The following TRIM37 variants were observed in gnomAD, a reference collection of about 807,000 sequenced individuals.
TRIM37 encodes tripartite motif containing 37, also known as E3 ubiquitin-protein ligase TRIM37.
In TRIM37, 80 loss-of-function variants were observed where a neutral mutation model predicts 129.8. The ratio of observed to expected loss-of-function variants is 0.62; its 90% confidence interval spans 0.51 to 0.74. TRIM37 has a LOEUF of 0.74. TRIM37 is among the 30% of genes least tolerant of loss of function. TRIM37 has a pLI of 0.00. For synonymous variants in TRIM37, 389 were observed against 387.1 expected, an observed-to-expected ratio of 1.00 and a Z score of -0.06; for missense variants, 1,054 against 1,176.5, an observed-to-expected ratio of 0.90 and a Z score of 1.52.
chr17:58,994,968 C>T (rs2032837418), downstream of TRIM37, among the ~76,000 whole-genome samples: 1 of 152,058 alleles, frequency 6.6e-6, no homozygotes. Flanking sequence ...AGGTTGGTCT[C>T]GAACTCCCGA....
intron 7 of TRIM37, among the ~76,000 whole-genome samples, chr17:59,076,172 T>C (rs1361568796): frequency 6.6e-6 from 1 of 151,896 alleles, no homozygotes; most frequent in Admixed American, 6.6e-5. Flanking sequence ...CCTGTGAATA[T>C]ACAAGGACCT....
chr17:59,100,269 C>T (rs2045334681), intron 2 of TRIM37, among the ~76,000 whole-genome samples: 1 of 152,124 alleles, frequency 6.6e-6, no homozygotes, highest in Non-Finnish European at 1.5e-5. Flanking sequence ...ATTATTTACC[C>T]AAGAGAAAAG....
At chr17:59,049,709 G>C (rs1227811183) in intron 14 of TRIM37, among the ~76,000 whole-genome samples, 1 of 152,056 alleles carries the variant, frequency 6.6e-6, no homozygotes, top group Admixed American at 6.6e-5. Flanking sequence ...TGTTGCTCAA[G>C]CTGGTTTTGA....
chr17:59,091,200 GA>G, intron 3 of TRIM37, 99 bp downstream of exon 3: 1 of 734,012 alleles, frequency 1.4e-6, no homozygotes. Flanking sequence ...ACGAAGAAGA[GA>G]AATGGGCAGA....
chr17:59,015,610 C>T lies in TRIM37; in HGVS notation c.2576G>A (p.Gly859Glu), dbSNP rs916450962. The change falls in exon 21 of 24, where the codon GGG (glycine) becomes GAG (glutamate). Residue 859 changes from glycine to glutamate, a missense_variant and splice_region_variant. Physicochemically the swap from Gly to Glu is moderately conservative, Grantham distance 98. This residue lies in a region of TRIM37 where 287 missense variants were observed against 274.3 expected (regional missense o/e 1.05). Transcript: ENST00000262294. The part of the protein sequence containing the change: ...VEKRRKMVTL[G>E]ANAKGGHLEG... Reference sequence around the variant, plus strand: ...ACATATACAAAACAACTTAATTTACCCCAAGGTGACCATTTTCCTCCTTTT... The same window carrying T: ...ACATATACAAAACAACTTAATTTACTCCAAGGTGACCATTTTCCTCCTTTT... The T allele has an allele frequency of 1.2e-6, 2 of 1,613,824 alleles. No homozygotes were observed. Among genetic ancestry groups the T allele is most frequent in the Non-Finnish European group, 8.5e-7 (1 of 1,179,958 alleles).
intron 24 of TRIM37, among the ~76,000 whole-genome samples, chr17:58,986,231 T>G (rs2031797287): frequency 6.6e-6 from 1 of 150,722 alleles, no homozygotes; most frequent in Non-Finnish European, 1.5e-5. Context: ...TGGAGTTTCA[T>G]TCTGTCACCC....
rs2033317716 is a variant in TRIM37, at chr17:58,998,960, T to C, written c.*417A>G. On this transcript the variant is annotated 3_prime_UTR_variant, in exon 24 of 24. Transcript: ENST00000262294. ...GGAACTGTAATTAAAACCCCAAATA[T>C]AAAGATGATTATTTAAACACAACTA... 1 of 1,034,888 alleles carries C rather than the reference T, an allele frequency of 9.7e-7. No homozygotes were observed. The allele number at this position is 1,034,888 out of a possible 1,614,324, so 64.1% of individuals were successfully genotyped here.
At chr17:59,033,509 G>C (rs1051585401) in intron 17 of TRIM37, among the ~76,000 whole-genome samples, 2 of 151,936 alleles carry the variant, frequency 1.3e-5, no homozygotes, top group African/African-American at 4.8e-5. Context: ...CTCCACTCAC[G>C]GCAACCTCCG....
chr17:59,058,008 C>T (rs1204480605), intron 12 of TRIM37, among the ~76,000 whole-genome samples: 4 of 152,164 alleles, frequency 2.6e-5, no homozygotes, highest in Non-Finnish European at 2.9e-5. Flanking sequence ...CATATATTCA[C>T]TACATATGTT....
intron 13 of TRIM37, among the ~76,000 whole-genome samples, chr17:59,052,793 A>C (rs2040472405): frequency 6.6e-6 from 1 of 152,072 alleles, no homozygotes; most frequent in Non-Finnish European, 1.5e-5. Context: ...CGTCTCTACT[A>C]AAAGTACAAA....
At chr17:59,040,343 G>A (rs1294596994) in intron 17 of TRIM37, among the ~76,000 whole-genome samples, 1 of 152,158 alleles carries the variant, frequency 6.6e-6, no homozygotes, top group Admixed American at 6.5e-5. Flanking sequence ...GACTAGAAAT[G>A]GCAAAGGAGT....
At position 59,028,719 on chromosome 17, in the gene TRIM37, T is replaced by G; in HGVS notation, c.1953A>C (p.Ser651=). 6.2e-7 allele frequency: 1 copy of G among 1,614,160 alleles called. No homozygotes were observed. The highest frequency in any genetic ancestry group is 8.5e-7 in the Non-Finnish European group (1 of 1,180,012). Residue 651 remains serine, a synonymous_variant, in exon 19 of 24, where the codon TCA becomes TCC. Coordinates refer to ENST00000262294, the MANE Select transcript of TRIM37 (RefSeq NM_015294.6). ...TTTGGTCTTTATCTTTTCGAGAATA[T>G]GATGCTTCAGAGAAATTGACAAGTC... ...PPASLLQPTA[S]YSRKDKDQRK...
At chr17:58,971,657 A>G in the TRIM37 span, among the ~76,000 whole-genome samples, 3 of 152,156 alleles carry the variant, frequency 2.0e-5, no homozygotes, top group Admixed American at 6.5e-5. Context: ...TTGTGTACCA[A>G]TCAGATGTTT....
intron 19 of TRIM37, among the ~76,000 whole-genome samples, chr17:59,027,645 C>G (rs1169457415): frequency 6.6e-6 from 1 of 152,188 alleles, no homozygotes. Flanking sequence ...TTTTCAGACC[C>G]TTCTCCACAC....
At chr17:59,079,473 G>T (rs1338920233) in intron 7 of TRIM37, among the ~76,000 whole-genome samples, 1 of 152,134 alleles carries the variant, frequency 6.6e-6, no homozygotes, top group Non-Finnish European at 1.5e-5. Context: ...AATTCTGTTA[G>T]ATTTGGAGAA....
intron 24 of TRIM37, among the ~76,000 whole-genome samples, chr17:58,988,978 G>A (rs1747455592): frequency 6.6e-6 from 1 of 152,138 alleles, no homozygotes; most frequent in African/African-American, 2.4e-5. Context: ...GCCAACAAAG[G>A]TCTTAGCAGC....
At chr17:58,973,586 G>A in the TRIM37 span, among the ~76,000 whole-genome samples, 1 of 151,752 alleles carries the variant, frequency 6.6e-6, no homozygotes, top group East Asian at 1.9e-4. Context: ...AGGCTGAAGA[G>A]GGTTTGAGCC....
chr17:59,061,003 T>G, intron 12 of TRIM37, 29 bp downstream of exon 12: 1 of 1,572,910 alleles, frequency 6.4e-7, no homozygotes, highest in Non-Finnish European at 8.7e-7. Context: ...AAATGCACAT[T>G]AAGGTTGTTA....
At chr17:59,044,993 C>A (rs1355313042) in intron 16 of TRIM37, among the ~76,000 whole-genome samples, 1 of 151,950 alleles carries the variant, frequency 6.6e-6, no homozygotes, top group Admixed American at 6.6e-5. Context: ...AATCATGCCA[C>A]CATACTCCAG....
Sources: allele counts gnomAD v4.1 joint callset (sites outside exome capture counted in the v4.1 genomes callset), GRCh38; gene constraint gnomAD v4.1.1; regional missense constraint gnomAD v4.1.1; transcripts MANE v1.5; gene names NCBI Gene and HGNC (gene_info 2026-07-23, HGNC 2026-07-21).